The following TAF4B variants were observed in gnomAD, a reference collection of about 807,000 sequenced individuals.
The protein encoded by TAF4B is transcription initiation factor TFIID subunit 4B.
TAF4B carries 38 observed loss-of-function variants against 86.4 expected under a neutral mutation model. That is an observed-to-expected ratio of 0.44 (90% CI 0.34 to 0.58). The LOEUF is 0.58. Ranked by LOEUF, TAF4B falls within the 20% of genes least tolerant of loss-of-function variation. The pLI is 0.02. For synonymous variants in TAF4B, 388 were observed against 391.2 expected (o/e 0.99, Z 0.10); for missense variants, 988 against 1,027.6 (o/e 0.96, Z 0.53).
chr18:26,254,654 AAT>A (rs1180009380), intron 1 of TAF4B, among the ~76,000 whole-genome samples: 4 of 152,302 alleles, frequency 2.6e-5, no homozygotes, highest in Non-Finnish European at 5.9e-5. Context: ...TAACATTTTT[AAT>A]AGAGTGTGTT....
At chr18:26,310,835 A>G (rs2056847314) in intron 9 of TAF4B, among the ~76,000 whole-genome samples, 1 of 149,226 alleles carries the variant, frequency 6.7e-6, no homozygotes, top group African/African-American at 2.5e-5. Context: ...TAAGTATAGT[A>G]TTTTTTTTTT....
At chr18:26,372,097 C>T (rs953102552) in intron 14 of TAF4B, among the ~76,000 whole-genome samples, 3 of 152,176 alleles carry the variant, frequency 2.0e-5, no homozygotes, top group African/African-American at 7.2e-5. Flanking sequence ...GTTATTTCCC[C>T]ATTCCTGGAA....
intron 1 of TAF4B, among the ~76,000 whole-genome samples, chr18:26,250,170 A>G (rs1312617569): frequency 6.6e-6 from 1 of 152,108 alleles, no homozygotes; most frequent in Non-Finnish European, 1.5e-5. Flanking sequence ...AGTAGCTGGG[A>G]CCACAGGCAG....
In TAF4B at chr18:26,226,741, G is replaced by A; in HGVS notation, c.-193G>A. The A allele has an allele frequency of 2.2e-6, 1 of 447,056 alleles. No homozygotes were observed. The highest frequency in any genetic ancestry group is 3.8e-6 in the Non-Finnish European group (1 of 261,726). The allele number at this position is 447,056 out of a possible 1,614,324, so 27.7% of individuals were successfully genotyped here. On this transcript the variant is annotated 5_prime_UTR_variant, in exon 1 of 15. Transcript: ENST00000269142. ...GCAGCCCAGGCTCGCGCGGACGAGA[G>A]GAAGGTCCGGGACGCGCGTGTCCTG...
intron 9 of TAF4B, among the ~76,000 whole-genome samples, chr18:26,295,620 C>T (rs958468721): frequency 2.0e-5 from 3 of 152,214 alleles, no homozygotes; most frequent in East Asian, 1.9e-4. Context: ...TAACAGGCTA[C>T]GGACTGCTAC....
chr18:26,234,960 C>T (rs2055727006), intron 1 of TAF4B, among the ~76,000 whole-genome samples: 1 of 152,204 alleles, frequency 6.6e-6, no homozygotes, highest in Non-Finnish European at 1.5e-5. Flanking sequence ...AAGATGGCCA[C>T]CGCTGCAACT....
chr18:26,231,142 C>T (rs1365578582), intron 1 of TAF4B, among the ~76,000 whole-genome samples: 5 of 144,338 alleles, frequency 3.5e-5, no homozygotes, highest in African/African-American at 1.3e-4. Context: ...CGGGTTCAAG[C>T]GATTGTCCTG....
Position 26,306,786 on chromosome 18 carries a change from A to T in TAF4B, c.1833-8443A>T, listed in dbSNP as rs1487017851. Among the ~76,000 whole-genome samples the T allele has an allele frequency of 6.0e-5, 9 of 150,304 alleles. No individual in the cohort carries two copies. The Admixed American group carries it at 6.0e-4, about 10-fold the overall frequency. On this transcript the variant is annotated intron_variant, in intron 9 of 14. Transcript: ENST00000269142. The stretch of plus-strand genomic sequence containing the variant: ...CAGTTATTTATTTATTTATTTATTT[A>T]TTTATTTTTTAAGATGGAGTCTCAC...
intron 1 of TAF4B, among the ~76,000 whole-genome samples, chr18:26,244,279 A>T (rs2055887721): frequency 6.6e-6 from 1 of 151,968 alleles, no homozygotes; most frequent in South Asian, 2.1e-4. Context: ...GCAATGGCGG[A>T]CCCCTCTCCC....
chr18:26,300,136 C>T lies in TAF4B; in HGVS notation c.1832+6605C>T, dbSNP rs376495700. Among the ~76,000 whole-genome samples the T allele has an allele frequency of 1.2e-4, 18 of 152,042 alleles. No homozygotes were observed. The East Asian group carries it at 3.5e-3, about 29-fold the overall frequency. On this transcript the variant is annotated intron_variant, in intron 9 of 14. Transcript: ENST00000269142. Reference sequence around the variant, plus strand: ...AGCTGGGACTACAGGTGCGCATCACCATGCCCGGCTAATTTTTTTAATTTT... The same window carrying T: ...AGCTGGGACTACAGGTGCGCATCACTATGCCCGGCTAATTTTTTTAATTTT...
At chr18:26,275,414 C>T (rs914448111) in intron 5 of TAF4B, among the ~76,000 whole-genome samples, 21 of 152,230 alleles carry the variant, frequency 1.4e-4, no homozygotes, top group African/African-American at 4.8e-4. Flanking sequence ...CCCTGACCTC[C>T]CAAAGCGTTG....
chr18:26,259,645 A>G (rs1037469931), intron 1 of TAF4B, among the ~76,000 whole-genome samples: 3 of 152,246 alleles, frequency 2.0e-5, no homozygotes, highest in African/African-American at 7.2e-5. Flanking sequence ...AGTATTCCAT[A>G]GTGTATATGT....
chr18:26,269,293 A>G (rs968445832), intron 3 of TAF4B, among the ~76,000 whole-genome samples: 13 of 151,978 alleles, frequency 8.6e-5, no homozygotes, highest in South Asian at 4.1e-4. Flanking sequence ...TCCTTGATCT[A>G]TGGGTTTGTC....
At chr18:26,236,258 G>C (rs953670730) in intron 1 of TAF4B, among the ~76,000 whole-genome samples, 1 of 152,216 alleles carries the variant, frequency 6.6e-6, no homozygotes, top group Admixed American at 6.5e-5. Context: ...TTACAACTGA[G>C]AAGGTGGGAG....
intron 1 of TAF4B, among the ~76,000 whole-genome samples, chr18:26,234,437 A>G (rs1336039822): frequency 1.3e-5 from 2 of 152,214 alleles, no homozygotes; most frequent in Non-Finnish European, 2.9e-5. Flanking sequence ...GGCATGTAGG[A>G]TTAGATAAAC....
At chr18:26,275,955 A>G (rs2447700) in intron 5 of TAF4B, among the ~76,000 whole-genome samples, 140,060 of 150,256 alleles carry the variant, frequency 0.93, 65,573 homozygotes, top group East Asian at 0.99. Context: ...GGCAGAGGTT[A>G]CAGTAAGCTG....
intron 1 of TAF4B, among the ~76,000 whole-genome samples, chr18:26,236,094 G>C (rs1267477816): frequency 2.0e-5 from 3 of 152,172 alleles, no homozygotes; most frequent in African/African-American, 4.8e-5. Context: ...AGACTTCAGG[G>C]TTGATTCCCT....
chr18:26,245,455 GC>G (rs1246865607), intron 1 of TAF4B, among the ~76,000 whole-genome samples: 1 of 152,146 alleles, frequency 6.6e-6, no homozygotes, highest in African/African-American at 2.4e-5. Flanking sequence ...GGTTGCTGCT[GC>G]TGGCTGGGGT....
rs546854598 is a variant in TAF4B at position 26,259,327 on chromosome 18, C to A, written c.344-5843C>A. ...TACTTTAAGTTCTAGGGTACATGTA[C>A]ACAACATGCAGGTTTGTTACATATG... On this transcript the variant is annotated intron_variant, in intron 1 of 14. Transcript: ENST00000269142. Among the ~76,000 whole-genome samples, 5 of 151,658 alleles carry A rather than the reference C, an allele frequency of 3.3e-5. No individual in the cohort carries two copies. The South Asian group carries it at 1.0e-3, about 32-fold the overall frequency.
Sources: allele counts gnomAD v4.1 joint callset (sites outside exome capture counted in the v4.1 genomes callset), GRCh38; gene constraint gnomAD v4.1.1; transcripts MANE v1.5; gene names NCBI Gene and HGNC (gene_info 2026-07-23, HGNC 2026-07-21).